The following IL31RA variants were observed in gnomAD, a reference collection of about 807,000 sequenced individuals.
IL31RA encodes interleukin 31 receptor A.
Under a neutral mutation model 83.7 loss-of-function variants are expected in IL31RA, and 66 were observed. The observed-to-expected ratio is 0.79, with a 90% CI of 0.65 to 0.97. The LOEUF (loss-of-function observed/expected upper bound fraction) is 0.97. Among genes scored for constraint, IL31RA ranks in the 50% least tolerant of loss-of-function variants. IL31RA has a pLI of 0.00. For missense variants in IL31RA, 798 were observed against 919.4 expected, an observed-to-expected ratio of 0.87 and a Z score of 1.71; for synonymous variants, 325 against 329.0, an observed-to-expected ratio of 0.99 and a Z score of 0.13.
the IL31RA span, among the ~76,000 whole-genome samples, chr5:55,844,222 A>G: frequency 6.6e-6 from 1 of 152,166 alleles, no homozygotes; most frequent in Non-Finnish European, 1.5e-5. Flanking sequence ...ACCCCCACCA[A>G]CCTAGAATTG....
intron 5 of IL31RA, among the ~76,000 whole-genome samples, chr5:55,884,913 C>T (rs961635466): frequency 2.6e-5 from 4 of 152,104 alleles, no homozygotes; most frequent in African/African-American, 9.7e-5. Flanking sequence ...ATTTAGAATC[C>T]TGTTTGGTCA....
chr5:55,921,428 G>A lies in IL31RA; in HGVS notation c.*4308G>A, dbSNP rs980515213. On this transcript the variant is annotated 3_prime_UTR_variant, in exon 15 of 15. Coordinates refer to ENST00000652347, the MANE Select transcript of IL31RA (RefSeq NM_139017.7). ...AGGCATCCCTTGGTTGATAGGATTC[G>A]TTTAAAGGTCCTCCTAGTATAGAGT... is the stretch of plus-strand genomic sequence containing the variant. Among the ~76,000 whole-genome samples, 28 of 152,314 alleles carry A rather than the reference G, an allele frequency of 1.8e-4. No individual in the cohort carries two copies. The highest frequency in any genetic ancestry group is 2.5e-4 in the Non-Finnish European group (17 of 68,024).
intron 4 of IL31RA, among the ~76,000 whole-genome samples, chr5:55,880,796 GA>G (rs1747161159): frequency 6.6e-6 from 1 of 152,218 alleles, no homozygotes; most frequent in Admixed American, 6.5e-5. Flanking sequence ...TAGACTCTGT[GA>G]TCAAGACCAG....
the IL31RA span, among the ~76,000 whole-genome samples, chr5:55,843,553 A>G: frequency 3.3e-5 from 5 of 152,170 alleles, no homozygotes; most frequent in Non-Finnish European, 7.4e-5. Context: ...GTCCATTTCC[A>G]ATACAGGGGT....
the IL31RA span, among the ~76,000 whole-genome samples, chr5:55,845,263 A>G: frequency 1.3e-5 from 2 of 152,288 alleles, no homozygotes; most frequent in Non-Finnish European, 2.9e-5. Context: ...AGGGAGAGGA[A>G]GTGTTTGACA....
rs528597341 is a variant in IL31RA, at chr5:55,916,670, T to A, written c.1845T>A (p.Asp615Glu). The part of the protein sequence containing the change: ...FKDKLNLKES[D>E]DSVNTEDRIL... ...ATAAGCTAAACCTGAAGGAGTCTGA[T>A]GACTCTGTGAACACAGAAGACAGGA... The change falls in exon 15 of 15, where the codon GAT becomes GAA. Residue 615 changes from aspartate to glutamate, a missense_variant. Coordinates refer to ENST00000652347, the MANE Select transcript of IL31RA (RefSeq NM_139017.7). 1 of 1,614,106 alleles carries A rather than the reference T, an allele frequency of 6.2e-7. No individual in the cohort carries two copies. Among genetic ancestry groups the A allele is most frequent in the African/African-American group, 1.3e-5 (1 of 75,054 alleles).
chr5:55,855,272 T>A (rs1295213519), intron 1 of IL31RA, among the ~76,000 whole-genome samples: 1 of 151,868 alleles, frequency 6.6e-6, no homozygotes, highest in African/African-American at 2.4e-5. Context: ...ACCTCCTGTG[T>A]AGCTAGGACT....
In IL31RA at chr5:55,916,673, C is replaced by T. The variant is rs1749802275; in HGVS notation, c.1848C>T (p.Asp616=). 1.1e-5 allele frequency: 18 copies of T among 1,614,084 alleles called. No individual in the cohort carries two copies. Among genetic ancestry groups the T allele is most frequent in the Non-Finnish European group, 1.5e-5 (18 of 1,179,964 alleles). The change falls in exon 15 of 15, where the codon GAC becomes GAT. Residue 616 remains aspartate, a synonymous_variant. Transcript: ENST00000652347. ...AGCTAAACCTGAAGGAGTCTGATGA[C>T]TCTGTGAACACAGAAGACAGGATCT... The part of the protein sequence containing the change: ...KDKLNLKESD[D]SVNTEDRILK...
intron 7 of IL31RA, among the ~76,000 whole-genome samples, chr5:55,898,474 CAG>C (rs1214023321): frequency 1.1e-4 from 16 of 151,960 alleles, no homozygotes; most frequent in African/African-American, 2.9e-4. Context: ...CACATTAAAA[CAG>C]TGAATTTTAT....
intron 9 of IL31RA, among the ~76,000 whole-genome samples, chr5:55,906,947 A>G (rs976683413): frequency 6.6e-6 from 1 of 152,100 alleles, no homozygotes; most frequent in Non-Finnish European, 1.5e-5. Context: ...AAACATCCAT[A>G]TTAAGAATAA....
chr5:55,922,058 G>C lies in IL31RA; in HGVS notation c.*4938G>C, dbSNP rs557868300. 2.0e-5 allele frequency among the ~76,000 whole-genome samples: 3 copies of C among 146,480 alleles called. No individual in the cohort carries two copies. Among genetic ancestry groups the C allele is most frequent in the Non-Finnish European group, 1.5e-5 (1 of 66,766 alleles). On this transcript the variant is annotated 3_prime_UTR_variant, in exon 15 of 15. Coordinates refer to ENST00000652347, the MANE Select transcript of IL31RA (RefSeq NM_139017.7). The stretch of plus-strand genomic sequence containing the variant: ...TCTTGCACTCTTATGTTGTGGCGGG[G>C]GGGGGGGGCGGTTCCTGAAGAGTGG...
chr5:55,896,225 C>T (rs1748321460), intron 6 of IL31RA, 125 bp from the exon 7 acceptor site: 2 of 740,632 alleles, frequency 2.7e-6, no homozygotes, highest in African/African-American at 3.4e-5. Flanking sequence ...GCCATCCCTC[C>T]ACTCCTCACC....
chr5:55,849,249 A>G (rs1010416088), upstream of IL31RA, among the ~76,000 whole-genome samples: 7 of 150,906 alleles, frequency 4.6e-5, no homozygotes, highest in Admixed American at 4.0e-4. Context: ...TTCCATATCT[A>G]TAAAGAACAT....
In IL31RA at chr5:55,851,529, G is replaced by A. The variant is rs1438617502; in HGVS notation, c.-42G>A. ...CATGTGTGTGCAGTATGAAAATTGA[G>A]ACAGGAAGGCAGAGTGTCAGCTTGT... On this transcript the variant is annotated 5_prime_UTR_variant, in exon 1 of 15. Transcript: ENST00000652347. 2.5e-6 allele frequency: 4 copies of A among 1,613,950 alleles called. No homozygotes were observed. Among genetic ancestry groups the A allele is most frequent in the South Asian group, 2.2e-5 (2 of 91,072 alleles).
Position 55,899,017 on chromosome 5 carries a change from CT to C in IL31RA, c.853-898del, listed in dbSNP as rs571482997. Among the ~76,000 whole-genome samples, 9 of 152,148 alleles carry C rather than the reference CT, an allele frequency of 5.9e-5. No individual in the cohort carries two copies. The South Asian group carries it at 1.9e-3, about 32-fold the overall frequency. On this transcript the variant is annotated intron_variant, in intron 7 of 14. Transcript: ENST00000652347. ...CCAGCCTGGGCGACAGAGAGAGACT[CT>C]GTCTCAAAATAAATAAATAAATACA...
chr5:55,846,544 T>G (rs1744930877), upstream of IL31RA, among the ~76,000 whole-genome samples: 1 of 152,162 alleles, frequency 6.6e-6, no homozygotes. Context: ...TTTCTAAGTC[T>G]CCTTCTAGCT....
At chr5:55,859,750 G>T (rs1360188414) in intron 2 of IL31RA, 151 bp downstream of exon 2, 1 of 712,136 alleles carries the variant, frequency 1.4e-6, no homozygotes, top group Non-Finnish European at 2.6e-6. Flanking sequence ...GTGTGTCTGT[G>T]TGTGCACACA....
chr5:55,874,916 G>A (rs905030050), intron 4 of IL31RA, among the ~76,000 whole-genome samples: 3 of 152,156 alleles, frequency 2.0e-5, no homozygotes, highest in East Asian at 1.9e-4. Context: ...GAATAGAAGT[G>A]TTGAAAGCAG....
intron 13 of IL31RA, 139 bp downstream of exon 13, chr5:55,913,709 A>C (rs1375154053): frequency 4.2e-6 from 3 of 712,468 alleles, no homozygotes; most frequent in Admixed American, 2.0e-5. Context: ...GTATTTATTG[A>C]GGTTATTAAA....
Sources: allele counts gnomAD v4.1 joint callset (sites outside exome capture counted in the v4.1 genomes callset), GRCh38; gene constraint gnomAD v4.1.1; transcripts MANE v1.5; gene names NCBI Gene and HGNC (gene_info 2026-07-23, HGNC 2026-07-21).